Variants in RBFOX1 observed in about 807,000 individuals in gnomAD.
RBFOX1 encodes the protein RNA binding protein fox-1 homolog 1.
A neutral mutation model predicts 57.7 loss-of-function variants in RBFOX1; 8 were observed. That is an observed-to-expected ratio of 0.14 (90% CI 0.08 to 0.25). RBFOX1 has a LOEUF of 0.25. Among genes scored for constraint, RBFOX1 ranks in the 10% least tolerant of loss-of-function variants. The pLI is 1.00. For missense variants in RBFOX1, 611 were observed against 548.5 expected (o/e 1.11, Z -1.14); for synonymous variants, 326 against 222.4 (o/e 1.47, Z -4.15).
intron 4 of RBFOX1, among the ~76,000 whole-genome samples, chr16:7,489,058 A>G (rs2066215324): frequency 6.6e-6 from 1 of 152,062 alleles, no homozygotes; most frequent in Non-Finnish European, 1.5e-5. Context: ...CTTGCTGTGA[A>G]TCTCAGCGTG....
intron 3 of RBFOX1, among the ~76,000 whole-genome samples, chr16:6,769,556 TG>T (rs1271507468): frequency 1.3e-5 from 2 of 152,242 alleles, no homozygotes; most frequent in East Asian, 3.9e-4. Context: ...TTCCTGTTTT[TG>T]CCTATTCGTG....
chr16:5,379,020 C>A (rs543954380), intron 1 of RBFOX1, among the ~76,000 whole-genome samples: 1 of 151,504 alleles, frequency 6.6e-6, no homozygotes, highest in South Asian at 2.1e-4. Flanking sequence ...AGTTTTCCAC[C>A]AATGTATTAG....
At chr16:7,064,438 G>A (rs2055418635) in intron 4 of RBFOX1, among the ~76,000 whole-genome samples, 1 of 152,036 alleles carries the variant, frequency 6.6e-6, no homozygotes, top group Non-Finnish European at 1.5e-5. Context: ...CAAAGTGTTG[G>A]GTTTACAGGT....
intron 5 of RBFOX1, among the ~76,000 whole-genome samples, chr16:7,564,423 C>G (rs1400680153): frequency 6.6e-6 from 1 of 151,322 alleles, no homozygotes; most frequent in Non-Finnish European, 1.5e-5. Context: ...CACCTGTAAT[C>G]TCAAGTACTC....
At chr16:7,169,413 G>C (rs1314699640) in intron 4 of RBFOX1, among the ~76,000 whole-genome samples, 1 of 152,198 alleles carries the variant, frequency 6.6e-6, no homozygotes, top group Admixed American at 6.5e-5. Flanking sequence ...CTGTGCATTT[G>C]CACGATGTTT....
intron 14 of RBFOX1, among the ~76,000 whole-genome samples, chr16:7,698,931 C>A (rs563003467): frequency 3.2e-4 from 48 of 152,206 alleles, no homozygotes; most frequent in Non-Finnish European, 6.5e-4. Flanking sequence ...CTGAATTAGC[C>A]TAAGTGGGAA....
chr16:6,731,071 G>C (rs2068461898), intron 3 of RBFOX1, among the ~76,000 whole-genome samples: 1 of 152,072 alleles, frequency 6.6e-6, no homozygotes, highest in South Asian at 2.1e-4. Flanking sequence ...CCTACCTCAG[G>C]AATATCCTTT....
At chr16:5,725,855 G>C (rs1479789806) in intron 3 of RBFOX1, among the ~76,000 whole-genome samples, 1 of 152,028 alleles carries the variant, frequency 6.6e-6, no homozygotes, top group Admixed American at 6.5e-5. Context: ...GTTGGCACTG[G>C]CATGAGGAGG....
At chr16:5,467,974 G>A (rs1055933477) in intron 2 of RBFOX1, among the ~76,000 whole-genome samples, 1 of 152,158 alleles carries the variant, frequency 6.6e-6, no homozygotes, top group African/African-American at 2.4e-5. Context: ...GCTGGCCCTT[G>A]AGTGGATTGG....
At chr16:5,745,196 G>T (rs560377987) in intron 3 of RBFOX1, among the ~76,000 whole-genome samples, 99 of 152,140 alleles carry the variant, frequency 6.5e-4, no homozygotes, top group African/African-American at 1.5e-3. Context: ...GCAGTGTTTG[G>T]TTTTTTGTCC....
At chr16:6,776,880 A>C (rs2079464022) in intron 3 of RBFOX1, among the ~76,000 whole-genome samples, 1 of 152,256 alleles carries the variant, frequency 6.6e-6, no homozygotes, top group Non-Finnish European at 1.5e-5. Context: ...GGCATGTGGC[A>C]CATTTTAATT....
intron 4 of RBFOX1, among the ~76,000 whole-genome samples, chr16:5,943,443 G>T (rs193193397): frequency 1.8e-4 from 28 of 152,152 alleles, no homozygotes; most frequent in African/African-American, 6.5e-4. Context: ...AACATTTCTG[G>T]GTCAAAAGAA....
intron 1 of RBFOX1, among the ~76,000 whole-genome samples, chr16:6,133,978 C>T (rs2096647990): frequency 6.6e-6 from 1 of 151,638 alleles, no homozygotes; most frequent in South Asian, 2.1e-4. Context: ...ATTCTGTCAC[C>T]CAGGGTCAAG....
At chr16:6,889,862 T>G (rs963111026) in intron 3 of RBFOX1, among the ~76,000 whole-genome samples, 1 of 152,150 alleles carries the variant, frequency 6.6e-6, no homozygotes, top group Non-Finnish European at 1.5e-5. Flanking sequence ...AATCATAGGG[T>G]GGAGAAAGTT....
In RBFOX1 at chr16:5,790,367, A is replaced by G. The variant is rs573682981; in HGVS notation, c.319-76936A>G. Among the ~76,000 whole-genome samples, 163 of 152,348 alleles carry G rather than the reference A, an allele frequency of 1.1e-3. 1 individual carries two copies. Among genetic ancestry groups the G allele is most frequent in the African/African-American group, 3.8e-3 (158 of 41,566 alleles). On this transcript the variant is annotated intron_variant, in intron 3 of 19. Transcript: ENST00000641259. ...CTGCATTTTCCATTGTCCAAGGTGC[A>G]GAGACCGTACAGAGAAGGATGGGGC...
chr16:6,966,373 A>C (rs1323391037), intron 3 of RBFOX1, among the ~76,000 whole-genome samples: 1 of 152,094 alleles, frequency 6.6e-6, no homozygotes, highest in African/African-American at 2.4e-5. Context: ...AGAAATAATA[A>C]GTCATGGCAG....
intron 3 of RBFOX1, among the ~76,000 whole-genome samples, chr16:6,832,677 C>A (rs986174247): frequency 6.6e-6 from 1 of 152,068 alleles, no homozygotes; most frequent in African/African-American, 2.4e-5. Flanking sequence ...ATTACTTTAC[C>A]CACTCAAAAT....
intron 2 of RBFOX1, among the ~76,000 whole-genome samples, chr16:6,353,398 A>G (rs1438745570): frequency 6.6e-6 from 1 of 151,514 alleles, no homozygotes; most frequent in East Asian, 1.9e-4. Flanking sequence ...CTAGATACCT[A>G]TTTTTTAACT....
At chr16:7,293,407 C>T (rs894277527) in intron 4 of RBFOX1, among the ~76,000 whole-genome samples, 2 of 152,170 alleles carry the variant, frequency 1.3e-5, no homozygotes, top group Admixed American at 1.3e-4. Flanking sequence ...AACGATGACT[C>T]TACCGATCCT....
Sources: gnomAD v4.1 joint callset for allele counts (sites outside exome capture counted in the v4.1 genomes callset) on GRCh38, gnomAD v4.1.1 for gene constraint, MANE v1.5 for transcripts, NCBI Gene and HGNC (gene_info 2026-07-23, HGNC 2026-07-21) for gene names.